The following WWOX variants were observed in gnomAD, a reference collection of about 807,000 sequenced individuals.
WWOX encodes the protein WW domain containing oxidoreductase, also known as WW domain-containing oxidoreductase.
In WWOX, 69 loss-of-function variants were observed where a neutral mutation model predicts 46.2. The ratio of observed to expected loss-of-function variants is 1.49; its 90% CI spans 1.23 to 1.82. The LOEUF is 1.82. Among genes scored for constraint, WWOX ranks in the 40% most tolerant of loss-of-function variants. WWOX has a pLI of 0.00. For synonymous variants in WWOX, 359 were observed against 202.6 expected, an observed-to-expected ratio of 1.77 and a Z score of -6.56; for missense variants, 919 against 542.6, an observed-to-expected ratio of 1.69 and a Z score of -6.89.
intron 8 of WWOX, among the ~76,000 whole-genome samples, chr16:78,991,382 C>T (rs1337366892): frequency 3.3e-5 from 5 of 151,904 alleles, no homozygotes; most frequent in Non-Finnish European, 7.4e-5. Flanking sequence ...TCACTTGAGC[C>T]CAGGAGTTTG....
intron 8 of WWOX, among the ~76,000 whole-genome samples, chr16:78,545,917 G>A (rs978683071): frequency 1.1e-4 from 17 of 152,068 alleles, no homozygotes; most frequent in Non-Finnish European, 8.8e-5. Flanking sequence ...AGGGCACCAC[G>A]CTTATGACAT....
intron 5 of WWOX, among the ~76,000 whole-genome samples, chr16:78,370,468 G>C (rs1597115811): frequency 6.7e-6 from 1 of 148,938 alleles, no homozygotes; most frequent in Middle Eastern, 3.4e-3. Flanking sequence ...AAATATATGA[G>C]AGACGTATGC....
intron 8 of WWOX, among the ~76,000 whole-genome samples, chr16:79,105,777 C>G (rs1256086464): frequency 6.6e-6 from 1 of 152,040 alleles, no homozygotes; most frequent in South Asian, 2.1e-4. Context: ...ATCCTCCCAC[C>G]TCATCCTCCC....
chr16:79,037,914 T>C (rs2151405444), intron 8 of WWOX, among the ~76,000 whole-genome samples: 1 of 152,242 alleles, frequency 6.6e-6, no homozygotes, highest in African/African-American at 2.4e-5. Flanking sequence ...GGACAGGCTT[T>C]CCATCCGAGA....
At chr16:79,118,984 C>A (rs2049573827) in intron 8 of WWOX, among the ~76,000 whole-genome samples, 1 of 152,126 alleles carries the variant, frequency 6.6e-6, no homozygotes, top group African/African-American at 2.4e-5. Context: ...TGATAAACAT[C>A]TCTGTGCATA....
At chr16:78,951,598 C>A (rs543312497) in intron 8 of WWOX, among the ~76,000 whole-genome samples, 9 of 152,224 alleles carry the variant, frequency 5.9e-5, no homozygotes, top group Non-Finnish European at 1.3e-4. Context: ...AGCAGCTATA[C>A]TGCTCCATCA....
At chr16:78,466,732 C>T (rs1051184795) in intron 8 of WWOX, among the ~76,000 whole-genome samples, 1 of 152,072 alleles carries the variant, frequency 6.6e-6, no homozygotes, top group Admixed American at 6.5e-5. Flanking sequence ...TCTGTAATCC[C>T]AGCTACTTAG....
chr16:79,166,948 T>G (rs2050606010), intron 8 of WWOX, among the ~76,000 whole-genome samples: 1 of 152,172 alleles, frequency 6.6e-6, no homozygotes, highest in Non-Finnish European at 1.5e-5. Context: ...TATATAATAA[T>G]TATTTTTTTT....
At chr16:78,320,042 T>A (rs1179447550) in intron 5 of WWOX, among the ~76,000 whole-genome samples, 1 of 152,220 alleles carries the variant, frequency 6.6e-6, no homozygotes, top group East Asian at 1.9e-4. Flanking sequence ...GTATGGATAA[T>A]GGTATATTTG....
chr16:79,006,444 G>C (rs988230621), intron 8 of WWOX, among the ~76,000 whole-genome samples: 3 of 152,102 alleles, frequency 2.0e-5, no homozygotes, highest in South Asian at 2.1e-4. Context: ...TTAGAGTTTC[G>C]GTTTCTAAGC....
At chr16:78,547,812 C>G (rs1399310130) in intron 8 of WWOX, among the ~76,000 whole-genome samples, 1 of 152,046 alleles carries the variant, frequency 6.6e-6, no homozygotes, top group African/African-American at 2.4e-5. Flanking sequence ...ATGACCTAAT[C>G]ACCTCCCAAA....
At chr16:78,203,542 T>G (rs1015233423) in intron 5 of WWOX, among the ~76,000 whole-genome samples, 1 of 152,184 alleles carries the variant, frequency 6.6e-6, no homozygotes, top group Non-Finnish European at 1.5e-5. Flanking sequence ...TAAAACATAT[T>G]CAATAATATA....
intron 8 of WWOX, among the ~76,000 whole-genome samples, chr16:79,008,544 C>G (rs1228875349): frequency 1.3e-5 from 2 of 152,128 alleles, no homozygotes; most frequent in East Asian, 1.9e-4. Flanking sequence ...CATCTTGAAT[C>G]CTGACTACCA....
At chr16:78,562,857 A>G (rs1175082240) in intron 8 of WWOX, among the ~76,000 whole-genome samples, 1 of 152,186 alleles carries the variant, frequency 6.6e-6, no homozygotes, top group Non-Finnish European at 1.5e-5. Flanking sequence ...CACATCCCAT[A>G]GCTGAGCGAC....
chr16:78,674,516 G>A (rs149060041), intron 8 of WWOX, among the ~76,000 whole-genome samples: 3,848 of 151,924 alleles, frequency 0.025, 54 homozygotes, highest in East Asian at 0.07. Context: ...AACTCCTGAC[G>A]TCAGGTGATC....
At chr16:78,355,104 C>T (rs1441510900) in intron 5 of WWOX, among the ~76,000 whole-genome samples, 1 of 151,444 alleles carries the variant, frequency 6.6e-6, no homozygotes, top group East Asian at 2.0e-4. Context: ...TGCACTCCAG[C>T]CTGGGTCACA....
chr16:78,219,336 C>T (rs1351837811), intron 5 of WWOX, among the ~76,000 whole-genome samples: 4 of 152,168 alleles, frequency 2.6e-5, no homozygotes, highest in African/African-American at 4.8e-5. Flanking sequence ...ATCTACTAAT[C>T]TCTGGACAAT....
At chr16:78,672,040 C>T (rs1160108421) in intron 8 of WWOX, among the ~76,000 whole-genome samples, 4 of 152,192 alleles carry the variant, frequency 2.6e-5, no homozygotes, top group African/African-American at 9.7e-5. Flanking sequence ...TTAAGTATCA[C>T]TTTGAGCTAC....
intron 8 of WWOX, among the ~76,000 whole-genome samples, chr16:79,177,721 T>C (rs1222514354): frequency 6.6e-6 from 1 of 152,182 alleles, no homozygotes; most frequent in Non-Finnish European, 1.5e-5. Context: ...CAGCCTTACT[T>C]ATTCTTTTAC....
Sources: gnomAD v4.1 joint callset for allele counts (sites outside exome capture counted in the v4.1 genomes callset) on GRCh38, gnomAD v4.1.1 for gene constraint, MANE v1.5 for transcripts, NCBI Gene and HGNC (gene_info 2026-07-23, HGNC 2026-07-21) for gene names.